The following ENTREP2 variants were observed in gnomAD, a reference collection of about 807,000 sequenced individuals.
ENTREP2 encodes protein ENTREP2.
the ENTREP2 span, among the ~76,000 whole-genome samples, chr15:29,350,665 G>A: frequency 7.2e-5 from 11 of 152,148 alleles, no homozygotes; most frequent in African/African-American, 2.7e-4. Flanking sequence ...AAGAGAGGGT[G>A]GGTATGGTGG....
chr15:29,482,319 C>G, the ENTREP2 span, among the ~76,000 whole-genome samples: 1 of 152,082 alleles, frequency 6.6e-6, no homozygotes, highest in African/African-American at 2.4e-5. Flanking sequence ...CAGTACATTT[C>G]TTACAATCAA....
At chr15:29,662,211 CAAAAAAAAA>C in the ENTREP2 span, among the ~76,000 whole-genome samples, 2 of 46,972 alleles carry the variant, frequency 4.3e-5, no homozygotes, top group African/African-American at 1.3e-4. Flanking sequence ...AACCCTGTCG[CAAAAAAAAA>C]AAAAAAAAAA....
the ENTREP2 span, among the ~76,000 whole-genome samples, chr15:29,208,408 TTGAAA>T: frequency 6.6e-6 from 1 of 152,182 alleles, no homozygotes; most frequent in Non-Finnish European, 1.5e-5. Flanking sequence ...GTCATCTACT[TTGAAA>T]TGATCGAGAA....
At chr15:29,161,688 G>T in the ENTREP2 span, among the ~76,000 whole-genome samples, 3 of 152,140 alleles carry the variant, frequency 2.0e-5, no homozygotes. Flanking sequence ...CAGGCTCATT[G>T]TTCTCTTCTG....
chr15:29,471,331 CAAG>C, the ENTREP2 span, among the ~76,000 whole-genome samples: 2 of 152,218 alleles, frequency 1.3e-5, no homozygotes, highest in African/African-American at 2.4e-5. Flanking sequence ...GAAAAAGCTC[CAAG>C]AAGGACTTCT....
the ENTREP2 span, among the ~76,000 whole-genome samples, chr15:29,186,373 A>T: frequency 3.9e-5 from 6 of 152,338 alleles, no homozygotes; most frequent in Admixed American, 2.0e-4. Flanking sequence ...GAGTCTCCCA[A>T]GAAGCTGCCC....
the ENTREP2 span, among the ~76,000 whole-genome samples, chr15:29,638,213 C>T: frequency 6.6e-6 from 1 of 152,208 alleles, no homozygotes; most frequent in Non-Finnish European, 1.5e-5. Flanking sequence ...GCCAGGCAGC[C>T]CAGAGTGCCT....
chr15:29,348,219 C>A, the ENTREP2 span, among the ~76,000 whole-genome samples: 17 of 152,122 alleles, frequency 1.1e-4, no homozygotes, highest in African/African-American at 4.1e-4. Context: ...TTTGGGCATG[C>A]GGCAGTGAAT....
chr15:29,596,110 C>G, the ENTREP2 span, among the ~76,000 whole-genome samples: 1 of 152,136 alleles, frequency 6.6e-6, no homozygotes, highest in Non-Finnish European at 1.5e-5. Context: ...TGTAGGCCTG[C>G]TCAGTTGGCA....
chr15:29,123,279 T>C, the ENTREP2 span: 1 of 1,447,332 alleles, frequency 6.9e-7, no homozygotes. Flanking sequence ...GCATGATGGC[T>C]TCTGCCAAGA....
the ENTREP2 span, among the ~76,000 whole-genome samples, chr15:29,546,420 G>A: frequency 6.6e-6 from 1 of 151,998 alleles, no homozygotes; most frequent in Admixed American, 6.6e-5. Context: ...ACCAACTTGG[G>A]AAGAAGATAG....
the ENTREP2 span, chr15:29,269,773 C>A: frequency 1.2e-5 from 17 of 1,374,080 alleles, no homozygotes; most frequent in Middle Eastern, 1.4e-3. Flanking sequence ...TGCGGGTCGG[C>A]GACCCGCTAA....
At chr15:29,358,065 T>C in the ENTREP2 span, among the ~76,000 whole-genome samples, 5 of 152,068 alleles carry the variant, frequency 3.3e-5, no homozygotes, top group African/African-American at 1.2e-4. Flanking sequence ...GACCCAGCAA[T>C]TTCATGTCCA....
At chr15:29,347,013 C>T in the ENTREP2 span, among the ~76,000 whole-genome samples, 2 of 152,172 alleles carry the variant, frequency 1.3e-5, no homozygotes, top group African/African-American at 2.4e-5. Context: ...ACTAGTTATT[C>T]ATGGTCCAAA....
the ENTREP2 span, among the ~76,000 whole-genome samples, chr15:29,319,992 G>C: frequency 6.6e-6 from 1 of 152,146 alleles, no homozygotes; most frequent in Admixed American, 6.5e-5. Flanking sequence ...TAGTCCTAGT[G>C]ACAAATGAAC....
the ENTREP2 span, among the ~76,000 whole-genome samples, chr15:29,330,950 C>A: frequency 6.6e-6 from 1 of 152,164 alleles, no homozygotes; most frequent in East Asian, 1.9e-4. Context: ...CCACACCCCA[C>A]CCCACAGTAA....
At chr15:29,569,061 G>T in the ENTREP2 span, among the ~76,000 whole-genome samples, 1 of 152,182 alleles carries the variant, frequency 6.6e-6, no homozygotes, top group African/African-American at 2.4e-5. Context: ...AGACAGACAT[G>T]AAAACAATGC....
chr15:29,282,662 G>A, the ENTREP2 span, among the ~76,000 whole-genome samples: 4 of 152,088 alleles, frequency 2.6e-5, no homozygotes, highest in Admixed American at 6.5e-5. Flanking sequence ...ATTGCCTGTC[G>A]CTGATCCCTG....
chr15:29,643,033 A>C, the ENTREP2 span, among the ~76,000 whole-genome samples: 3 of 152,218 alleles, frequency 2.0e-5, no homozygotes, highest in East Asian at 5.8e-4. Flanking sequence ...CGAATTAAAG[A>C]CCTAAACGTA....
Sources: allele counts gnomAD v4.1 joint callset (sites outside exome capture counted in the v4.1 genomes callset), GRCh38; gene constraint gnomAD v4.1.1; transcripts MANE v1.5; gene names NCBI Gene and HGNC (gene_info 2026-07-23, HGNC 2026-07-21).